The following DLG2 variants were observed in gnomAD, a reference collection of about 807,000 sequenced individuals.
DLG2 encodes the protein disks large homolog 2.
In DLG2, 45 loss-of-function variants were observed where a neutral mutation model predicts 132.5. The ratio of observed to expected loss-of-function variants is 0.34; its 90% CI spans 0.27 to 0.44. DLG2 has a LOEUF of 0.44. DLG2 is among the 20% of genes least tolerant of loss of function. DLG2 has a pLI of 1.00. For missense variants in DLG2, 1,045 were observed against 1,196.9 expected (o/e 0.87, Z 1.87); for synonymous variants, 424 against 419.6 (o/e 1.01, Z -0.13).
rs1555086383 is a variant in DLG2, at chr11:85,377,803, ATG to A, written c.41-92440_41-92439del. ...TGTATACATATATATATATATATAT[ATG>A]TGTGTGTGTGTGTGTGTGTATACAT... On this transcript the variant is annotated intron_variant, in intron 3 of 27. Coordinates refer to ENST00000376104, the MANE Select transcript of DLG2 (RefSeq NM_001142699.3). 3.2e-3 allele frequency among the ~76,000 whole-genome samples: 414 copies of A among 131,302 alleles called. 3 individuals carry two copies. Among genetic ancestry groups the A allele is most frequent in the African/African-American group, 0.01 (359 of 35,602 alleles). 86.1% of individuals were successfully genotyped at this position (131,302 alleles called of 152,430 possible). A position where few individuals can be genotyped will look rare whatever the true frequency, so the allele number is the denominator to read the frequency against.
chr11:83,575,024 T>G (rs1048526862), intron 19 of DLG2, among the ~76,000 whole-genome samples: 2 of 152,212 alleles, frequency 1.3e-5, no homozygotes, highest in Non-Finnish European at 2.9e-5. Context: ...GTAAGTTTGA[T>G]TAGCTGAATC....
chr11:85,450,184 G>T (rs112404387), intron 3 of DLG2, among the ~76,000 whole-genome samples: 2 of 152,126 alleles, frequency 1.3e-5, no homozygotes, highest in African/African-American at 4.8e-5. Context: ...AGCCTTTGTG[G>T]TTATCAATTT....
intron 6 of DLG2, among the ~76,000 whole-genome samples, chr11:84,897,598 A>T (rs11605352): frequency 1.3e-5 from 2 of 151,870 alleles, no homozygotes; most frequent in South Asian, 2.1e-4. Flanking sequence ...AGTGAACAGC[A>T]TTCTACTGAA....
At chr11:85,419,211 G>A (rs1190148573) in intron 3 of DLG2, among the ~76,000 whole-genome samples, 1 of 152,058 alleles carries the variant, frequency 6.6e-6, no homozygotes, top group Non-Finnish European at 1.5e-5. Context: ...TGAAATTCTG[G>A]GTTGAAAATT....
chr11:83,725,296 C>T (rs1184613178), intron 18 of DLG2: 3 of 182,456 alleles, frequency 1.6e-5, no homozygotes, highest in African/African-American at 7.0e-5. Context: ...AATCCTGCCT[C>T]CCAGCTAGCT....
chr11:83,868,236 T>A (rs1878264), intron 16 of DLG2, among the ~76,000 whole-genome samples: 46,439 of 152,022 alleles, frequency 0.31, 7,829 homozygotes, highest in African/African-American at 0.42. Context: ...AGTTAAGATG[T>A]TTTTAGCAGG....
chr11:85,353,523 A>T (rs2083456518), intron 3 of DLG2, among the ~76,000 whole-genome samples: 1 of 152,230 alleles, frequency 6.6e-6, no homozygotes, highest in African/African-American at 2.4e-5. Context: ...ATGCTGCTAT[A>T]AAGACACGTG....
chr11:85,607,648 T>C (rs993105669), intron 2 of DLG2, among the ~76,000 whole-genome samples: 1 of 152,214 alleles, frequency 6.6e-6, no homozygotes, highest in African/African-American at 2.4e-5. Flanking sequence ...CAAAAAGACA[T>C]AATTTTTGCC....
intron 6 of DLG2, among the ~76,000 whole-genome samples, chr11:84,891,224 T>C (rs1001762815): frequency 1.3e-5 from 2 of 152,204 alleles, no homozygotes; most frequent in African/African-American, 4.8e-5. Flanking sequence ...GGCTTTCCTT[T>C]TTTAACACAG....
intron 18 of DLG2, among the ~76,000 whole-genome samples, chr11:83,646,357 C>CAGAGAGAG (rs1555286926): frequency 0.015 from 1,926 of 126,258 alleles, 43 homozygotes; most frequent in African/African-American, 0.045. Flanking sequence ...AGATATGAAA[C>CAGAGAGAG]AGAGAGAGAG....
chr11:84,630,725 A>G (rs976137595), intron 6 of DLG2, among the ~76,000 whole-genome samples: 5 of 152,094 alleles, frequency 3.3e-5, no homozygotes, highest in African/African-American at 9.7e-5. Context: ...TTAAAAATTC[A>G]CCTCAATATT....
intron 18 of DLG2, among the ~76,000 whole-genome samples, chr11:83,758,793 A>T (rs1206625498): frequency 1.3e-5 from 2 of 152,176 alleles, no homozygotes; most frequent in African/African-American, 4.8e-5. Flanking sequence ...TCTTGTTTTG[A>T]TTATATCACC....
intron 7 of DLG2, among the ~76,000 whole-genome samples, chr11:84,260,972 C>G (rs1396344779): frequency 6.6e-6 from 1 of 152,254 alleles, no homozygotes; most frequent in Admixed American, 6.5e-5. Context: ...ATAACCATAC[C>G]TACTTAATTC....
chr11:83,480,113 C>G (rs763043667), intron 22 of DLG2, among the ~76,000 whole-genome samples: 12 of 151,888 alleles, frequency 7.9e-5, no homozygotes, highest in Non-Finnish European at 1.6e-4. Context: ...AGAATTGAAT[C>G]ACTGAGTCAC....
chr11:85,008,003 G>C (rs890939025), intron 6 of DLG2, among the ~76,000 whole-genome samples: 2 of 152,104 alleles, frequency 1.3e-5, no homozygotes, highest in African/African-American at 4.8e-5. Flanking sequence ...ACAGTCCCCA[G>C]CAGGATCTGG....
chr11:85,389,148 G>A (rs1299438827), intron 3 of DLG2, among the ~76,000 whole-genome samples: 1 of 151,918 alleles, frequency 6.6e-6, no homozygotes, highest in Non-Finnish European at 1.5e-5. Flanking sequence ...GAAATACATA[G>A]AATAAATAAA....
chr11:83,622,628 TA>T (rs1337422553), intron 19 of DLG2, among the ~76,000 whole-genome samples: 6 of 152,346 alleles, frequency 3.9e-5, no homozygotes, highest in Admixed American at 6.5e-5. Context: ...TTATTTCAAA[TA>T]TTTTTTTATT....
intron 6 of DLG2, among the ~76,000 whole-genome samples, chr11:84,668,996 T>C (rs1352877635): frequency 6.6e-6 from 1 of 152,096 alleles, no homozygotes. Flanking sequence ...CAGGTGTATC[T>C]TCAAATTGGG....
rs1198056480 is a variant in DLG2, at chr11:83,974,640, AG to A, written c.1056+5865del. Reference sequence around the variant, plus strand: ...GAATTTAGCAAACGTATTTGGTCACAGAGTCTATTCACGTGACACAGAAAAG... The same window carrying A: ...GAATTTAGCAAACGTATTTGGTCACAAGTCTATTCACGTGACACAGAAAAG... On this transcript the variant is annotated intron_variant, in intron 12 of 27. Coordinates refer to ENST00000376104, the MANE Select transcript of DLG2 (RefSeq NM_001142699.3). Among the ~76,000 whole-genome samples the A allele has an allele frequency of 2.0e-5, 3 of 152,086 alleles. No individual in the cohort carries two copies. In the East Asian group the frequency reaches 5.8e-4, roughly 29 times the overall value.
Sources: gnomAD v4.1 joint callset for allele counts (sites outside exome capture counted in the v4.1 genomes callset) on GRCh38, gnomAD v4.1.1 for gene constraint, MANE v1.5 for transcripts, NCBI Gene and HGNC (gene_info 2026-07-23, HGNC 2026-07-21) for gene names.